The following PRTN3 variants were observed in gnomAD, a reference collection of about 807,000 sequenced individuals.
The protein encoded by PRTN3 is myeloblastin.
In PRTN3, 22 loss-of-function variants were observed where a neutral mutation model predicts 20.7. That is an observed-to-expected ratio of 1.06 (90% confidence interval 0.76 to 1.52). The LOEUF (loss-of-function observed/expected upper bound fraction) is 1.52, where lower values mean the gene tolerates loss of function less well. PRTN3 is among the 40% of genes most tolerant of loss of function. The probability of loss-of-function intolerance (pLI) is 0.00; values close to 1 mark genes in which losing one functional copy is unlikely to be tolerated. For synonymous variants in PRTN3, 173 were observed against 152.9 expected, an observed-to-expected ratio of 1.13 and a Z score of -0.97; for missense variants, 378 against 359.6, an observed-to-expected ratio of 1.05 and a Z score of -0.41.
At chr19:842,016 C>A (rs1212731360) in intron 1 of PRTN3, among the ~76,000 whole-genome samples, 1 of 134,508 alleles carries the variant, frequency 7.4e-6, no homozygotes, top group Non-Finnish European at 1.6e-5. Flanking sequence ...CGTGAGCCAC[C>A]GCGCCTGGCC....
chr19:846,909 A>C (rs2035524943), intron 4 of PRTN3, among the ~76,000 whole-genome samples: 1 of 152,006 alleles, frequency 6.6e-6, no homozygotes, highest in Non-Finnish European at 1.5e-5. Flanking sequence ...TGCCTGGCTA[A>C]TTTTTTTGGT....
intron 1 of PRTN3, among the ~76,000 whole-genome samples, chr19:841,505 T>A (rs1568298231): frequency 6.8e-6 from 1 of 148,016 alleles, no homozygotes; most frequent in Non-Finnish European, 1.5e-5. Context: ...AATGAGTGAA[T>A]GAGTGAACGA....
In PRTN3 at chr19:847,996, G is replaced by C. The variant is rs1347678643; in HGVS notation, c.*27G>C. 6 of 1,576,738 alleles carry C rather than the reference G, an allele frequency of 3.8e-6. No homozygotes were observed. The Admixed American group carries it at 8.9e-5, about 23-fold the overall frequency. On this transcript the variant is annotated 3_prime_UTR_variant, in exon 5 of 5. Coordinates refer to ENST00000234347, the MANE Select transcript of PRTN3 (RefSeq NM_002777.4). The stretch of plus-strand genomic sequence containing the variant: ...CCGCCCCTCCCACAGCGCTGGCCGG[G>C]ACCCCGAGCCTGGCTCCAAACCCTC...
chr19:846,575 TG>T (rs1484911994), intron 4 of PRTN3, among the ~76,000 whole-genome samples, 198 bp downstream of exon 4: 3 of 152,086 alleles, frequency 2.0e-5, no homozygotes, highest in Non-Finnish European at 4.4e-5. Context: ...GCTGCTTGGG[TG>T]GGTCTGGGGG....
At chr19:846,075 G>A in intron 3 of PRTN3, 72 bp from the exon 4 acceptor site, 1 of 1,200,416 alleles carries the variant, frequency 8.3e-7, no homozygotes, top group Non-Finnish European at 1.1e-6. Flanking sequence ...TGGTGGGTGT[G>A]GTGGGAGGGC....
At position 847,824 on chromosome 19, in the gene PRTN3, G is replaced by C. The variant is rs1320138586; in HGVS notation, c.626G>C (p.Cys209Ser). ...CFGDSGGPLI[C>S]DGIIQGIDSF... Reference sequence around the variant, plus strand: ...GGAGACTCAGGTGGCCCCCTGATCTGTGATGGCATCATCCAAGGAATAGAC... The same window carrying C: ...GGAGACTCAGGTGGCCCCCTGATCTCTGATGGCATCATCCAAGGAATAGAC... The change falls in exon 5 of 5, where the codon TGT becomes TCT. Residue 209 changes from cysteine to serine, a missense_variant. Transcript: ENST00000234347. 4 of 1,609,338 alleles carry C rather than the reference G, an allele frequency of 2.5e-6. No individual in the cohort carries two copies. Among genetic ancestry groups the C allele is most frequent in the Non-Finnish European group, 3.4e-6 (4 of 1,177,696 alleles).
At chr19:842,954 G>A (rs754764449) in intron 1 of PRTN3, among the ~76,000 whole-genome samples, 1 of 149,404 alleles carries the variant, frequency 6.7e-6, no homozygotes, top group Non-Finnish European at 1.5e-5. Context: ...TTGCTCTGTT[G>A]CCCAGGCTGG....
chr19:842,843 C>G (rs994105497), intron 1 of PRTN3, among the ~76,000 whole-genome samples: 12 of 152,124 alleles, frequency 7.9e-5, no homozygotes, highest in Non-Finnish European at 1.6e-4. Context: ...CCACCTCGGC[C>G]TCCCAAAGTA....
intron 3 of PRTN3, among the ~76,000 whole-genome samples, chr19:844,446 C>T (rs1290546069): frequency 1.6e-5 from 1 of 61,100 alleles, no homozygotes; most frequent in African/African-American, 7.6e-5. Flanking sequence ...CGCCTCTCCC[C>T]CGGCCGCTCC....
intron 1 of PRTN3, 30 bp from the exon 2 acceptor site, chr19:843,431 C>T: frequency 6.6e-7 from 1 of 1,521,864 alleles, no homozygotes; most frequent in South Asian, 1.2e-5. Context: ...AGCCTGGGGG[C>T]TCCCTGACGC....
In PRTN3 at chr19:843,541, C is replaced by T. The variant is rs569655201; in HGVS notation, c.142C>T (p.Arg48Trp). ...SRPYMASLQM[R>W]GNPGSHFCGG... The stretch of plus-strand genomic sequence containing the variant: ...GCCCTACATGGCCTCCCTGCAGATG[C>T]GGGGGAACCCGGGCAGCCACTTCTG... Residue 48 changes from arginine to tryptophan, a missense_variant, in exon 2 of 5, where the codon CGG becomes TGG. Coordinates refer to ENST00000234347, the MANE Select transcript of PRTN3 (RefSeq NM_002777.4). 7 of 1,596,566 alleles carry T rather than the reference C, an allele frequency of 4.4e-6. No individual in the cohort carries two copies. The Admixed American group carries it at 8.6e-5, about 20-fold the overall frequency.
intron 4 of PRTN3, among the ~76,000 whole-genome samples, chr19:847,553 G>GAA (rs1214157092): frequency 1.5e-3 from 170 of 115,872 alleles, no homozygotes; most frequent in East Asian, 0.01. Flanking sequence ...GAAAGAAAAA[G>GAA]AAAGAGAGAG....
chr19:844,067 G>C, intron 3 of PRTN3, 33 bp downstream of exon 3: 1 of 1,576,722 alleles, frequency 6.3e-7, no homozygotes, highest in East Asian at 2.3e-5. Context: ...GCTCGGAGGG[G>C]CACGGCCAGA....
chr19:842,669 C>T (rs2035461702), intron 1 of PRTN3, among the ~76,000 whole-genome samples: 1 of 145,844 alleles, frequency 6.9e-6, no homozygotes, highest in Non-Finnish European at 1.5e-5. Flanking sequence ...CTCACCACAA[C>T]CTCCGCTTCC....
chr19:841,079 C>A lies in PRTN3; in HGVS notation c.61+10C>A. ...GCCTTGCTGCTGAGCGGTGAGTGAG[C>A]CACGTGCCCATCCATCCAGCCTCCA... is the stretch of plus-strand genomic sequence containing the variant. On this transcript the variant is annotated intron_variant, in intron 1 of 4. Coordinates refer to ENST00000234347, the MANE Select transcript of PRTN3 (RefSeq NM_002777.4). 6.2e-7 allele frequency: 1 copy of A among 1,603,454 alleles called. No individual in the cohort carries two copies.
In PRTN3 at chr19:843,607, G is replaced by A; in HGVS notation, c.208G>A (p.Ala70Thr). 1.3e-6 allele frequency: 2 copies of A among 1,594,558 alleles called. No individual in the cohort carries two copies. Among genetic ancestry groups the A allele is most frequent in the Non-Finnish European group, 1.7e-6 (2 of 1,175,508 alleles). Reference sequence around the variant, plus strand: ...CCACCCCAGCTTCGTGCTGACGGCCGCGCACTGCCTGCGGGACATGTGAGC... The same window carrying A: ...CCACCCCAGCTTCGTGCTGACGGCCACGCACTGCCTGCGGGACATGTGAGC... ...LIHPSFVLTA[A>T]HCLRDIPQRL... Residue 70 changes from alanine to threonine, a missense_variant, in exon 2 of 5, where the codon GCG becomes ACG. Physicochemically the swap from Ala to Thr is moderately conservative, Grantham distance 58 (BLOSUM62 0). Transcript: ENST00000234347.
chr19:842,228 G>A (rs1017290938), intron 1 of PRTN3, among the ~76,000 whole-genome samples: 27 of 150,408 alleles, frequency 1.8e-4, no homozygotes, highest in African/African-American at 6.4e-4. Flanking sequence ...GTTTCACCAC[G>A]TTGGTCAGGC....
chr19:846,847 A>G lies in PRTN3; in HGVS notation c.600+470A>G, dbSNP rs1221784101. Among the ~76,000 whole-genome samples the G allele has an allele frequency of 5.3e-5, 8 of 152,088 alleles. No homozygotes were observed. The South Asian group carries it at 6.2e-4, about 12-fold the overall frequency. ...AACCTCCACCTCCCAGGTTCAAGGT[A>G]TTCTCCTGCCTCAGCCTCCTGAGTA... On this transcript the variant is annotated intron_variant, in intron 4 of 4. Transcript: ENST00000234347.
chr19:845,408 C>CA (rs898568773), intron 3 of PRTN3, among the ~76,000 whole-genome samples: 3 of 149,064 alleles, frequency 2.0e-5, no homozygotes, highest in Admixed American at 6.7e-5. Context: ...GACCCCATCT[C>CA]AAAAAAAAAG....
Sources: gnomAD v4.1 joint callset for allele counts (sites outside exome capture counted in the v4.1 genomes callset) on GRCh38, gnomAD v4.1.1 for gene constraint, MANE v1.5 for transcripts, NCBI Gene and HGNC (gene_info 2026-07-23, HGNC 2026-07-21) for gene names.